The following PRELID2 variants were observed in gnomAD, a reference collection of about 807,000 sequenced individuals.
PRELID2 encodes PRELI domain containing 2, also known as PRELI domain-containing protein 2.
A neutral mutation model predicts 28.4 loss-of-function variants in PRELID2; 25 were observed. The ratio of observed to expected loss-of-function variants is 0.88; its 90% CI spans 0.64 to 1.23. The LOEUF is 1.23. Among genes scored for constraint, PRELID2 ranks in the 50% most tolerant of loss-of-function variants. PRELID2 has a pLI of 0.00. For missense variants in PRELID2, 201 were observed against 214.4 expected, an observed-to-expected ratio of 0.94 and a Z score of 0.39; for synonymous variants, 76 against 71.6, an observed-to-expected ratio of 1.06 and a Z score of -0.31.
intron 1 of PRELID2, among the ~76,000 whole-genome samples, chr5:145,552,601 C>T (rs983866164): frequency 6.6e-6 from 1 of 151,938 alleles, no homozygotes; most frequent in Non-Finnish European, 1.5e-5. Context: ...AGAAGCAACA[C>T]CAAGAAATTA....
At chr5:145,411,773 A>G in the PRELID2 span, among the ~76,000 whole-genome samples, 3,904 of 152,302 alleles carry the variant, frequency 0.026, 143 homozygotes, top group African/African-American at 0.082. Context: ...TGAGGGCTCC[A>G]TCCCTGTATC....
At chr5:145,832,046 A>C (rs1354388304) in intron 1 of PRELID2, among the ~76,000 whole-genome samples, 3 of 152,226 alleles carry the variant, frequency 2.0e-5, no homozygotes, top group Admixed American at 1.3e-4. Flanking sequence ...TAACTTAAAC[A>C]TTCTGTGTTC....
chr5:145,730,645 G>A (rs1342878480), intron 1 of PRELID2, among the ~76,000 whole-genome samples: 1 of 152,078 alleles, frequency 6.6e-6, no homozygotes, highest in Non-Finnish European at 1.5e-5. Context: ...CAGAGCAGGA[G>A]CATCGCCATC....
the PRELID2 span, among the ~76,000 whole-genome samples, chr5:145,233,932 G>C: frequency 2.0e-5 from 3 of 152,130 alleles, no homozygotes; most frequent in Non-Finnish European, 4.4e-5. Flanking sequence ...ACAGGGGTAG[G>C]GGAAGTGTAA....
At chr5:145,721,549 A>C (rs1328790852) in intron 1 of PRELID2, among the ~76,000 whole-genome samples, 1 of 152,214 alleles carries the variant, frequency 6.6e-6, no homozygotes, top group Non-Finnish European at 1.5e-5. Flanking sequence ...AAAATCACAT[A>C]GTAATTTTAT....
the PRELID2 span, among the ~76,000 whole-genome samples, chr5:145,313,658 A>G: frequency 6.6e-6 from 1 of 152,174 alleles, no homozygotes; most frequent in Admixed American, 6.5e-5. Flanking sequence ...TAGATATCAC[A>G]TTCGTAGGAG....
chr5:145,514,310 A>C (rs1752493089), intron 1 of PRELID2, among the ~76,000 whole-genome samples: 1 of 149,658 alleles, frequency 6.7e-6, no homozygotes. Flanking sequence ...TACCAAGCAA[A>C]TGGAAAGCAA....
At chr5:145,816,913 C>T (rs1052749044) in intron 4 of PRELID2, among the ~76,000 whole-genome samples, 18 of 151,954 alleles carry the variant, frequency 1.2e-4, no homozygotes, top group African/African-American at 4.1e-4. Flanking sequence ...GGAATCCTAG[C>T]ACTTTGGGAG....
At chr5:145,302,033 T>C in the PRELID2 span, among the ~76,000 whole-genome samples, 6 of 151,554 alleles carry the variant, frequency 4.0e-5, no homozygotes, top group Non-Finnish European at 7.4e-5. Flanking sequence ...GGCCAAGATG[T>C]TCATTAGTAT....
chr5:145,378,042 T>A, the PRELID2 span, among the ~76,000 whole-genome samples: 1 of 152,172 alleles, frequency 6.6e-6, no homozygotes. Flanking sequence ...TTTCTCCTCA[T>A]TTATGAAGCT....
intron 1 of PRELID2, among the ~76,000 whole-genome samples, chr5:145,742,473 G>C (rs907871690): frequency 7.2e-6 from 1 of 139,718 alleles, no homozygotes; most frequent in African/African-American, 2.7e-5. Context: ...CCAAACATTT[G>C]GAAATTAAAC....
chr5:145,596,455 C>T (rs539561382), intron 1 of PRELID2, among the ~76,000 whole-genome samples: 3 of 152,138 alleles, frequency 2.0e-5, no homozygotes, highest in Admixed American at 2.0e-4. Flanking sequence ...TCAGCCAAAA[C>T]ATTGGGTGAT....
At chr5:145,751,702 C>G (rs567462823), downstream of PRELID2, among the ~76,000 whole-genome samples, 2 of 152,182 alleles carry the variant, frequency 1.3e-5, no homozygotes, top group Non-Finnish European at 2.9e-5. Flanking sequence ...AGTTTTTGGG[C>G]CAGGCACGGT....
At chr5:145,731,494 G>A (rs960192130) in intron 1 of PRELID2, among the ~76,000 whole-genome samples, 1 of 152,180 alleles carries the variant, frequency 6.6e-6, no homozygotes, top group African/African-American at 2.4e-5. Context: ...TGGATTTGGA[G>A]CCAAACACTT....
rs185687882 is a variant in PRELID2 at position 145,595,291 on chromosome 5, C to T, written n.71-121976G>A. ...CCCTGCACTATTTATTTTTTTGGCA[C>T]GGCCTTTCTATGACAGGTTAATCTA... On this transcript the variant is annotated intron_variant and non_coding_transcript_variant, in intron 1 of 2. Coordinates refer to the PRELID2 transcript ENST00000510259. Among the ~76,000 whole-genome samples, 17 of 151,802 alleles carry T rather than the reference C, an allele frequency of 1.1e-4. No individual in the cohort carries two copies. The East Asian group carries it at 2.9e-3, about 26-fold the overall frequency.
chr5:145,665,996 AAAAAAAG>A (rs1433435449), intron 1 of PRELID2, among the ~76,000 whole-genome samples: 2 of 151,348 alleles, frequency 1.3e-5, no homozygotes, highest in African/African-American at 4.8e-5. Flanking sequence ...TAAAAAAAAA[AAAAAAAG>A]AAAGAAAGAA....
At chr5:145,678,855 C>A (rs1459895999) in intron 1 of PRELID2, among the ~76,000 whole-genome samples, 3 of 152,078 alleles carry the variant, frequency 2.0e-5, no homozygotes, top group Non-Finnish European at 4.4e-5. Flanking sequence ...ACAGAGTAAT[C>A]TTTTCTGTTT....
intron 1 of PRELID2, 167 bp downstream of exon 1, chr5:145,835,010 T>G: frequency 1.8e-6 from 1 of 546,784 alleles, no homozygotes; most frequent in Non-Finnish European, 3.4e-6. Flanking sequence ...CCGCTCCCTG[T>G]AAAGGGAGTC....
the PRELID2 span, among the ~76,000 whole-genome samples, chr5:145,251,544 T>A: frequency 6.6e-6 from 1 of 152,126 alleles, no homozygotes; most frequent in African/African-American, 2.4e-5. Flanking sequence ...GTGGCCTTCA[T>A]CATCCCAACC....
Sources: allele counts gnomAD v4.1 joint callset (sites outside exome capture counted in the v4.1 genomes callset), GRCh38; gene constraint gnomAD v4.1.1; transcripts MANE v1.5; gene names NCBI Gene and HGNC (gene_info 2026-07-23, HGNC 2026-07-21).